EYS: variants seen among roughly 807,000 people sequenced by gnomAD.
EYS encodes the protein EGF-like photoreceptor maintenance factor.
EYS carries 250 observed loss-of-function variants against 282.1 expected under a neutral mutation model. That is an observed-to-expected ratio of 0.89 (90% CI 0.80 to 0.98). The LOEUF (loss-of-function observed/expected upper bound fraction) is 0.98, where lower values mean the gene tolerates loss of function less well. Ranked by LOEUF, EYS falls within the 50% of genes least tolerant of loss-of-function variation. The probability of loss-of-function intolerance (pLI) is 0.00; values close to 1 mark genes in which losing one functional copy is unlikely to be tolerated. For missense variants in EYS, 4,016 were observed against 3,709.0 expected, an observed-to-expected ratio of 1.08 and a Z score of -2.15; for synonymous variants, 1,355 against 1,282.9, an observed-to-expected ratio of 1.06 and a Z score of -1.20.
At chr6:64,982,991 T>C (rs80063708) in intron 14 of EYS, among the ~76,000 whole-genome samples, 552 of 151,340 alleles carry the variant, frequency 3.6e-3, no homozygotes, top group Non-Finnish European at 6.8e-3. Flanking sequence ...GCCTGAGAAA[T>C]GGATGTCAAG....
At chr6:65,459,069 G>A (rs866138527) in intron 5 of EYS, among the ~76,000 whole-genome samples, 8 of 151,888 alleles carry the variant, frequency 5.3e-5, no homozygotes, top group Middle Eastern at 3.4e-3. Flanking sequence ...TTTTCCTTAC[G>A]AAAATCAGAG....
At position 64,945,872 on chromosome 6, in the gene EYS, A is replaced by T. The variant is rs374204063; in HGVS notation, c.2302T>A (p.Cys768Ser). 45 of 1,549,004 alleles carry T rather than the reference A, an allele frequency of 2.9e-5. No homozygotes were observed. In the African/African-American group the frequency reaches 5.8e-4, roughly 20 times the overall value. The change falls in exon 15 of 43, where the codon TGT (cysteine) becomes AGT (serine). Residue 768 changes from cysteine (C) to serine (S), a missense_variant. By Grantham distance (112) the Cys-to-Ser change is moderately radical (BLOSUM62 -1). Transcript: ENST00000503581. ...TTACACTCATTGGATTCTTGTTCAC[A>T]AAAATTTCCTTCCCAATCAGATAGG... ...VCLSDWEGNF[C>S]EQESNECKMN...
chr6:65,110,508 T>C (rs999013729), intron 12 of EYS, among the ~76,000 whole-genome samples: 6 of 152,098 alleles, frequency 3.9e-5, no homozygotes, highest in Non-Finnish European at 7.4e-5. Flanking sequence ...AATTCGTTCT[T>C]GAAAAATGAC....
chr6:65,184,631 C>T (rs1765472885), intron 12 of EYS, among the ~76,000 whole-genome samples: 1 of 150,754 alleles, frequency 6.6e-6, no homozygotes, highest in Admixed American at 6.6e-5. Context: ...CAAATAAATA[C>T]AGATTCAAAT....
At chr6:65,078,163 C>A (rs1423478898) in intron 12 of EYS, among the ~76,000 whole-genome samples, 1 of 152,020 alleles carries the variant, frequency 6.6e-6, no homozygotes, top group Non-Finnish European at 1.5e-5. Flanking sequence ...TCTAAACAGC[C>A]TATTGTATTC....
At chr6:63,928,475 A>G (rs1205358849) in intron 35 of EYS, among the ~76,000 whole-genome samples, 1 of 152,190 alleles carries the variant, frequency 6.6e-6, no homozygotes, top group Non-Finnish European at 1.5e-5. Flanking sequence ...AAATGACAAA[A>G]TAATTTGAAG....
At chr6:65,609,549 T>C (rs1765920462) in intron 2 of EYS, among the ~76,000 whole-genome samples, 1 of 152,104 alleles carries the variant, frequency 6.6e-6, no homozygotes, top group Non-Finnish European at 1.5e-5. Flanking sequence ...TTACACTGAA[T>C]ATCACTTTTT....
chr6:64,851,618 T>TA (rs1272363413), intron 19 of EYS, among the ~76,000 whole-genome samples: 2 of 152,200 alleles, frequency 1.3e-5, no homozygotes, highest in African/African-American at 2.4e-5. Context: ...TATGCAGCCA[T>TA]AAAAAAGAAT....
intron 12 of EYS, among the ~76,000 whole-genome samples, chr6:65,097,840 C>G (rs1055547570): frequency 6.7e-6 from 1 of 150,308 alleles, no homozygotes; most frequent in African/African-American, 2.4e-5. Context: ...TTATCAGATA[C>G]TGGGTAGAAG....
chr6:64,650,174 A>G (rs1027927366), intron 22 of EYS, among the ~76,000 whole-genome samples: 1 of 152,062 alleles, frequency 6.6e-6, no homozygotes, highest in Non-Finnish European at 1.5e-5. Context: ...ACATAGCAAA[A>G]ACTCTGGTTT....
At position 64,912,607 on chromosome 6, in the gene EYS, G is replaced by C. The variant is rs529106342; in HGVS notation, c.2518C>G (p.Leu840Val). The change falls in exon 16 of 43, where the codon CTT becomes GTT. Residue 840 changes from leucine to valine, a missense_variant. Leu to Val is a conservative substitution (Grantham distance 32, BLOSUM62 1). Transcript: ENST00000503581. Reference protein sequence around the residue: ...PGQFVCLCPPLYTGQFCHQRY... With the variant: ...PGQFVCLCPPVYTGQFCHQRY... ...TGGTGGCAAAATTGTCCAGTATAAAGGGGTGGGCACAGACATACAAATTGT... is the reference window on the plus strand; with the variant it reads ...TGGTGGCAAAATTGTCCAGTATAAACGGGTGGGCACAGACATACAAATTGT... 14 of 1,551,186 alleles carry C rather than the reference G, an allele frequency of 9.0e-6. No homozygotes were observed. In the African/African-American group the frequency reaches 1.1e-4, roughly 12 times the overall value.
At chr6:63,763,410 T>C (rs2149656402) in intron 40 of EYS, among the ~76,000 whole-genome samples, 1 of 152,134 alleles carries the variant, frequency 6.6e-6, no homozygotes, top group South Asian at 2.1e-4. Flanking sequence ...AAATAATAAC[T>C]TTTCTTAGTA....
intron 22 of EYS, chr6:64,631,514 CT>C (rs1313615485): frequency 1.3e-5 from 2 of 152,094 alleles, no homozygotes; most frequent in Admixed American, 6.6e-5. Context: ...GATACAGCTG[CT>C]TTTATTTCAC....
intron 19 of EYS, among the ~76,000 whole-genome samples, chr6:64,854,045 G>A (rs182366527): frequency 0.055 from 8,266 of 150,940 alleles, 244 homozygotes; most frequent in East Asian, 0.1. Flanking sequence ...CAAAACCACA[G>A]TGAGATACCA....
rs1231505438 is a variant in EYS, at chr6:63,984,425, C to T, written c.7013G>A (p.Trp2338Ter). Residue 2338 changes from tryptophan (W) to a stop codon, truncating the protein, a stop_gained, in exon 35 of 43, where the codon TGG becomes TAG. Transcript: ENST00000503581. LOFTEE classifies it high-confidence loss of function. Reference sequence around the variant, plus strand: ...GTTGCGGCACAGATGATGAGCACACCAAGGGACGTGGCAGTTCTCAATATT... The same window carrying T: ...GTTGCGGCACAGATGATGAGCACACTAAGGGACGTGGCAGTTCTCAATATT... ...GKNIENCHVP[W>*]CAHHLCRNNG... 2.6e-6 allele frequency: 4 copies of T among 1,549,574 alleles called. 1 individual carries two copies. The highest frequency in any genetic ancestry group is 3.5e-6 in the Non-Finnish European group (4 of 1,145,540).
chr6:63,883,656 C>G (rs1773190301), intron 35 of EYS, among the ~76,000 whole-genome samples: 1 of 152,222 alleles, frequency 6.6e-6, no homozygotes, highest in Non-Finnish European at 1.5e-5. Flanking sequence ...CTTTCCCTTG[C>G]TCCTTGGGAC....
intron 15 of EYS, among the ~76,000 whole-genome samples, chr6:64,938,804 T>C (rs1025742359): frequency 6.6e-6 from 1 of 151,720 alleles, no homozygotes; most frequent in Non-Finnish European, 1.5e-5. Flanking sequence ...TTTGTCAATA[T>C]ACAATGGGTT....
chr6:65,101,083 T>C (rs1215883986), intron 12 of EYS, among the ~76,000 whole-genome samples: 2 of 150,958 alleles, frequency 1.3e-5, no homozygotes, highest in Non-Finnish European at 3.0e-5. Context: ...AAATAAAATT[T>C]TGTATCTGAG....
chr6:63,985,552 A>G (rs1254420684), intron 34 of EYS, among the ~76,000 whole-genome samples: 1 of 151,734 alleles, frequency 6.6e-6, no homozygotes, highest in Non-Finnish European at 1.5e-5. Flanking sequence ...TGAAAATGTT[A>G]CCGTTTCCTT....
Sources: gnomAD v4.1 joint callset for allele counts (sites outside exome capture counted in the v4.1 genomes callset) on GRCh38, gnomAD v4.1.1 for gene constraint, MANE v1.5 for transcripts, NCBI Gene and HGNC (gene_info 2026-07-23, HGNC 2026-07-21) for gene names.